The following ADGRL2 variants were observed in gnomAD, a reference collection of about 807,000 sequenced individuals.
The protein encoded by ADGRL2 is calcium-independent alpha-latrotoxin receptor 2.
Under a neutral mutation model 157.4 loss-of-function variants are expected in ADGRL2, and 44 were observed. That is an observed-to-expected ratio of 0.28 (90% CI 0.22 to 0.36). The LOEUF (loss-of-function observed/expected upper bound fraction) is 0.36. ADGRL2 is among the 10% of genes least tolerant of loss of function. ADGRL2 has a pLI of 1.00. For missense variants in ADGRL2, 1,510 were observed against 1,768.9 expected, an observed-to-expected ratio of 0.85 and a Z score of 2.63; for synonymous variants, 585 against 624.7, an observed-to-expected ratio of 0.94 and a Z score of 0.95.
intron 1 of ADGRL2, among the ~76,000 whole-genome samples, chr1:81,409,471 A>G (rs920413700): frequency 6.6e-6 from 1 of 152,244 alleles, no homozygotes; most frequent in Non-Finnish European, 1.5e-5. Flanking sequence ...TTTGGCACAG[A>G]AGATAGTCAC....
chr1:81,668,658 G>A (rs1410806528), intron 3 of ADGRL2, among the ~76,000 whole-genome samples: 1 of 151,990 alleles, frequency 6.6e-6, no homozygotes, highest in Non-Finnish European at 1.5e-5. Context: ...CTGCCTCTGA[G>A]TTCAAGAGAT....
intron 2 of ADGRL2, among the ~76,000 whole-genome samples, chr1:81,516,092 C>T (rs980594977): frequency 3.3e-5 from 5 of 152,160 alleles, no homozygotes; most frequent in African/African-American, 1.2e-4. Flanking sequence ...ATAAACAATA[C>T]TTGAAAATAA....
chr1:81,521,405 GT>G (rs1375377700), intron 2 of ADGRL2, among the ~76,000 whole-genome samples: 1 of 152,124 alleles, frequency 6.6e-6, no homozygotes, highest in East Asian at 1.9e-4. Flanking sequence ...TTTCAAAAGA[GT>G]CAAAGGAGTG....
intron 2 of ADGRL2, among the ~76,000 whole-genome samples, chr1:81,511,776 T>C (rs933452854): frequency 6.6e-6 from 1 of 152,124 alleles, no homozygotes; most frequent in Non-Finnish European, 1.5e-5. Context: ...GACCAAATTA[T>C]AGAGAAAACA....
Position 81,523,853 on chromosome 1 carries a change from G to A in ADGRL2, c.-247-57023G>A, listed in dbSNP as rs1570378404. Among the ~76,000 whole-genome samples, 3 of 152,114 alleles carry A rather than the reference G, an allele frequency of 2.0e-5. No individual in the cohort carries two copies. The East Asian group carries it at 5.8e-4, about 29-fold the overall frequency. On this transcript the variant is annotated intron_variant, in intron 2 of 24. Transcript: ENST00000370721. ...CCGAAGTGGGCGGATCACAAGGTCA[G>A]GAGTTCAAAACCAGCCCAGCGAAGA...
intron 3 of ADGRL2, among the ~76,000 whole-genome samples, chr1:81,603,765 A>G (rs193177542): frequency 1.4e-4 from 21 of 152,330 alleles, no homozygotes; most frequent in Admixed American, 1.0e-3. Flanking sequence ...AGGAAGGAAA[A>G]GAAGCAAAGG....
At position 81,637,667 on chromosome 1, in the gene ADGRL2, TA is replaced by T. The variant is rs559446851; in HGVS notation, c.-143+56688del. Among the ~76,000 whole-genome samples the T allele has an allele frequency of 5.3e-4, 80 of 152,332 alleles. 1 individual carries two copies. The highest frequency in any genetic ancestry group is 1.8e-3 in the African/African-American group (73 of 41,584). The stretch of plus-strand genomic sequence containing the variant: ...ATTGTTTTATATTCTTAGAAATAAT[TA>T]TTTTTAGACAATTGCGTGGAATTTT... On this transcript the variant is annotated intron_variant, in intron 3 of 24. Coordinates refer to the ADGRL2 transcript ENST00000370721.
chr1:81,682,897 C>T (rs544563485), intron 3 of ADGRL2, among the ~76,000 whole-genome samples: 1 of 152,138 alleles, frequency 6.6e-6, no homozygotes, highest in East Asian at 1.9e-4. Flanking sequence ...TTTGGGAGGC[C>T]GAGGCGGGTG....
intron 2 of ADGRL2, among the ~76,000 whole-genome samples, chr1:81,483,683 T>G (rs1373590131): frequency 6.6e-6 from 1 of 152,162 alleles, no homozygotes; most frequent in Non-Finnish European, 1.5e-5. Context: ...ATGATTAGAT[T>G]ATAAAAATGG....
chr1:81,918,426 A>G (rs1390018883), intron 3 of ADGRL2, among the ~76,000 whole-genome samples: 1 of 152,148 alleles, frequency 6.6e-6, no homozygotes, highest in African/African-American at 2.4e-5. Context: ...TTTGGTTTTC[A>G]TAGATAGCTA....
intron 1 of ADGRL2, among the ~76,000 whole-genome samples, chr1:81,341,195 A>G (rs983261812): frequency 2.0e-5 from 3 of 152,170 alleles, no homozygotes; most frequent in Non-Finnish European, 2.9e-5. Flanking sequence ...TCCTTTGCCT[A>G]TAGAGGAAAT....
intron 6 of ADGRL2, among the ~76,000 whole-genome samples, chr1:81,944,629 GTGTT>G (rs576090557): frequency 1.6e-4 from 24 of 152,080 alleles, no homozygotes; most frequent in East Asian, 3.9e-4. Flanking sequence ...TATTTGAACA[GTGTT>G]TGTTTAAGAT....
intron 11 of ADGRL2, among the ~76,000 whole-genome samples, chr1:81,957,159 G>A (rs1341539369): frequency 6.8e-6 from 1 of 147,272 alleles, no homozygotes; most frequent in Non-Finnish European, 1.5e-5. Flanking sequence ...ACCTCAATTT[G>A]TTTTCTAAAT....
At chr1:81,783,086 G>C (rs1316950694) in intron 2 of ADGRL2, among the ~76,000 whole-genome samples, 2 of 152,136 alleles carry the variant, frequency 1.3e-5, no homozygotes, top group African/African-American at 4.8e-5. Flanking sequence ...TGTCCAGCAT[G>C]CATATAGGCA....
At chr1:81,725,861 T>C (rs939133437) in intron 1 of ADGRL2, among the ~76,000 whole-genome samples, 3 of 152,172 alleles carry the variant, frequency 2.0e-5, no homozygotes, top group African/African-American at 7.2e-5. Context: ...TGCACGCCGG[T>C]AGTCCCCGCT....
At chr1:81,318,026 C>G (rs1660231707) in intron 1 of ADGRL2, among the ~76,000 whole-genome samples, 1 of 152,030 alleles carries the variant, frequency 6.6e-6, no homozygotes, top group African/African-American at 2.4e-5. Flanking sequence ...ATTTTTCAAG[C>G]TCTGACTTTA....
chr1:81,676,736 G>C (rs2082999932), intron 3 of ADGRL2, among the ~76,000 whole-genome samples: 1 of 151,894 alleles, frequency 6.6e-6, no homozygotes, highest in Non-Finnish European at 1.5e-5. Flanking sequence ...GCCCAGGCTG[G>C]AGTGCAGTGG....
chr1:81,533,855 G>A (rs2079665618), intron 2 of ADGRL2, among the ~76,000 whole-genome samples: 1 of 152,166 alleles, frequency 6.6e-6, no homozygotes, highest in Non-Finnish European at 1.5e-5. Context: ...TTAGGTACTT[G>A]AGAATCTGTG....
intron 16 of ADGRL2, 91 bp from the exon 17 acceptor site, chr1:81,971,761 T>C (rs1021551998): frequency 1.1e-4 from 74 of 669,130 alleles, no homozygotes; most frequent in Non-Finnish European, 4.5e-5. Flanking sequence ...TAAAGATAGT[T>C]TTGTCTGTTA....
Sources: allele counts gnomAD v4.1 joint callset (sites outside exome capture counted in the v4.1 genomes callset), GRCh38; gene constraint gnomAD v4.1.1; transcripts MANE v1.5; gene names NCBI Gene and HGNC (gene_info 2026-07-23, HGNC 2026-07-21).